The following CLYBL variants were observed in gnomAD, a reference collection of about 807,000 sequenced individuals.
The protein encoded by CLYBL is citramalyl-CoA lyase, also known as citramalyl-CoA lyase, mitochondrial.
A neutral mutation model predicts 38.9 loss-of-function variants in CLYBL; 31 were observed. The ratio of observed to expected loss-of-function variants is 0.80; its 90% CI spans 0.60 to 1.08. The LOEUF (loss-of-function observed/expected upper bound fraction) is 1.08. Ranked by LOEUF, CLYBL falls within the 50% of genes least tolerant of loss-of-function variation. The probability of loss-of-function intolerance (pLI) is 0.00; values close to 1 mark genes in which losing one functional copy is unlikely to be tolerated. For missense variants in CLYBL, 434 were observed against 411.6 expected (o/e 1.05, Z -0.47); for synonymous variants, 171 against 158.6 (o/e 1.08, Z -0.59).
chr13:99,691,905 C>T (rs898968848), intron 1 of CLYBL, among the ~76,000 whole-genome samples: 7 of 152,158 alleles, frequency 4.6e-5, no homozygotes, highest in African/African-American at 1.4e-4. Flanking sequence ...GAACACAGAG[C>T]GAGAGTTTCT....
intron 1 of CLYBL, among the ~76,000 whole-genome samples, chr13:99,608,061 CTTTTTTTTT>C (rs56149363): frequency 1.7e-4 from 13 of 75,024 alleles, no homozygotes; most frequent in Non-Finnish European, 3.1e-4. Flanking sequence ...TCTGGAACTT[CTTTTTTTTT>C]TTTTTTTTTT....
intron 2 of CLYBL, among the ~76,000 whole-genome samples, chr13:99,813,849 T>C (rs1387686759): frequency 6.6e-6 from 1 of 152,132 alleles, no homozygotes; most frequent in Non-Finnish European, 1.5e-5. Context: ...CCTCTGAGAA[T>C]CACATCATAG....
intron 2 of CLYBL, among the ~76,000 whole-genome samples, chr13:99,812,782 CAG>C (rs2050367801): frequency 6.6e-6 from 1 of 152,180 alleles, no homozygotes. Context: ...TGGAACTACT[CAG>C]ATCCTTGGGT....
At chr13:99,846,286 A>ATTTTTTTTTTTTTTTTTTTTTTTTTTTT (rs5806139) in intron 2 of CLYBL, among the ~76,000 whole-genome samples, 1 of 108,144 alleles carries the variant, frequency 9.2e-6, no homozygotes. Context: ...TTGTGTGGAG[A>ATTTTTTTTTTTTTTTTTTTTTTTTTTTT]TTTTTTTTTT....
chr13:99,744,065 C>T (rs150938374), intron 1 of CLYBL, among the ~76,000 whole-genome samples: 2,218 of 150,904 alleles, frequency 0.015, 29 homozygotes, highest in South Asian at 0.035. Flanking sequence ...CTCCGCCTCC[C>T]GGGTTCACAG....
chr13:99,628,135 C>CAA (rs2139224309), intron 1 of CLYBL, among the ~76,000 whole-genome samples: 1 of 152,304 alleles, frequency 6.6e-6, no homozygotes, highest in Non-Finnish European at 1.5e-5. Flanking sequence ...AGCCTGTAGA[C>CAA]AAAACTCGTG....
At chr13:99,727,800 G>A (rs1437182381) in intron 1 of CLYBL, among the ~76,000 whole-genome samples, 5 of 152,074 alleles carry the variant, frequency 3.3e-5, no homozygotes, top group African/African-American at 4.8e-5. Context: ...CAGTATTGCC[G>A]GGTGCGGTGG....
intron 1 of CLYBL, among the ~76,000 whole-genome samples, chr13:99,671,300 TATA>T (rs2047561473): frequency 6.6e-6 from 1 of 152,226 alleles, no homozygotes; most frequent in Non-Finnish European, 1.5e-5. Context: ...TGTTTTCTCG[TATA>T]ATGTTTGTCT....
intron 1 of CLYBL, chr13:99,690,983 G>T (rs909142007): frequency 6.6e-6 from 1 of 152,172 alleles, no homozygotes; most frequent in African/African-American, 2.4e-5. Context: ...GAGGCAGCAG[G>T]GTGGTAGGGA....
chr13:99,617,848 C>T (rs369312445), intron 1 of CLYBL, among the ~76,000 whole-genome samples: 2 of 152,186 alleles, frequency 1.3e-5, no homozygotes, highest in East Asian at 3.8e-4. Flanking sequence ...TGGGCTGTGT[C>T]GTCAGCCTGA....
intron 1 of CLYBL, among the ~76,000 whole-genome samples, chr13:99,619,929 G>T (rs1001994506): frequency 1.3e-5 from 2 of 152,122 alleles, no homozygotes; most frequent in African/African-American, 4.8e-5. Context: ...TAAAAGCTCT[G>T]CCTCCCCCAA....
At chr13:99,870,822 A>C in intron 6 of CLYBL, 116 bp from the exon 7 acceptor site, 1 of 1,048,500 alleles carries the variant, frequency 9.5e-7, no homozygotes, top group East Asian at 2.7e-5. Flanking sequence ...AAAAGTTTTA[A>C]ATTAGTTATT....
chr13:99,620,976 C>T (rs945203776), intron 1 of CLYBL, among the ~76,000 whole-genome samples: 4 of 152,158 alleles, frequency 2.6e-5, no homozygotes, highest in African/African-American at 9.7e-5. Flanking sequence ...TCTGCCACCC[C>T]TCATGTTCTC....
chr13:99,761,351 T>A (rs2049162123), intron 1 of CLYBL, among the ~76,000 whole-genome samples: 1 of 152,162 alleles, frequency 6.6e-6, no homozygotes, highest in Non-Finnish European at 1.5e-5. Context: ...AGACGCCAAC[T>A]CAAGAAAAAA....
intron 2 of CLYBL, among the ~76,000 whole-genome samples, chr13:99,854,577 C>A (rs1387744637): frequency 6.6e-6 from 1 of 151,958 alleles, no homozygotes; most frequent in Non-Finnish European, 1.5e-5. Context: ...GCCGCCCTGC[C>A]GCGAGGGACC....
chr13:99,742,313 C>T (rs2048771074), intron 1 of CLYBL, among the ~76,000 whole-genome samples: 1 of 152,156 alleles, frequency 6.6e-6, no homozygotes, highest in Admixed American at 6.5e-5. Context: ...GAAATTCTTT[C>T]ATAAATAAGC....
downstream of CLYBL, among the ~76,000 whole-genome samples, chr13:99,900,405 TG>T (rs1246328986): frequency 1.3e-5 from 2 of 152,128 alleles, no homozygotes; most frequent in Non-Finnish European, 2.9e-5. Context: ...TGCTGGCCTA[TG>T]GAAGTTTCTC....
chr13:99,741,761 G>A (rs1243114346), intron 1 of CLYBL, among the ~76,000 whole-genome samples: 1 of 152,200 alleles, frequency 6.6e-6, no homozygotes, highest in Admixed American at 6.5e-5. Flanking sequence ...ATAGGCATGA[G>A]CCACCGTGCC....
intron 1 of CLYBL, among the ~76,000 whole-genome samples, chr13:99,745,191 T>A (rs984586803): frequency 1.3e-5 from 2 of 152,260 alleles, no homozygotes; most frequent in Non-Finnish European, 2.9e-5. Context: ...ACCTATTCTG[T>A]CTTTCTTGCC....
Sources: allele counts gnomAD v4.1 joint callset (sites outside exome capture counted in the v4.1 genomes callset), GRCh38; gene constraint gnomAD v4.1.1; transcripts MANE v1.5; gene names NCBI Gene and HGNC (gene_info 2026-07-23, HGNC 2026-07-21).